The following XIAP variants were observed in gnomAD, a reference collection of about 807,000 sequenced individuals.
XIAP encodes the protein E3 ubiquitin-protein ligase XIAP.
Under a neutral mutation model 33.1 loss-of-function variants are expected in XIAP, and 3 were observed. The ratio of observed to expected loss-of-function variants is 0.09; its 90% CI spans 0.04 to 0.23. XIAP has a LOEUF of 0.23. Ranked by LOEUF, XIAP falls within the 10% of genes least tolerant of loss-of-function variation. XIAP has a pLI of 1.00. For synonymous variants in XIAP, 98 were observed against 121.3 expected (o/e 0.81, Z 1.26); for missense variants, 264 against 363.0 (o/e 0.73, Z 2.22).
chrX:123,877,899 G>A (rs1347569595), intron 1 of XIAP, among the ~76,000 whole-genome samples: 4 of 109,928 alleles, frequency 3.6e-5, no homozygotes, highest in East Asian at 2.9e-4. Flanking sequence ...GCGTGAACCC[G>A]GGAGGCGGAG....
intron 6 of XIAP, among the ~76,000 whole-genome samples, chrX:123,902,502 G>A (rs180811434): frequency 2.7e-5 from 3 of 111,666 alleles, no homozygotes; most frequent in African/African-American, 6.5e-5. Flanking sequence ...AGCAGGTGAG[G>A]GTTATTAGAG....
intron 1 of XIAP, among the ~76,000 whole-genome samples, chrX:123,861,237 AACC>A (rs1272334904): frequency 3.6e-5 from 4 of 111,825 alleles, no homozygotes; most frequent in African/African-American, 1.3e-4. Flanking sequence ...GTTAGATTAG[AACC>A]CATGTTATCT....
intron 6 of XIAP, among the ~76,000 whole-genome samples, chrX:123,906,777 T>G (rs1291075102): frequency 1.8e-5 from 2 of 112,105 alleles, no homozygotes; most frequent in Non-Finnish European, 3.8e-5. Context: ...CTTATCACTT[T>G]GTACTTTGTG....
At chrX:123,901,105 T>G (rs2053511064) in intron 6 of XIAP, among the ~76,000 whole-genome samples, 1 of 112,120 alleles carries the variant, frequency 8.9e-6, no homozygotes, top group Non-Finnish European at 1.9e-5. Context: ...CATGACCTCA[T>G]CTAAACCTAA....
intron 2 of XIAP, among the ~76,000 whole-genome samples, chrX:123,887,509 T>A (rs971717427): frequency 1.8e-5 from 2 of 112,712 alleles, no homozygotes; most frequent in Non-Finnish European, 1.9e-5. Context: ...AAGATTTTAT[T>A]TATGTACCAT....
intron 1 of XIAP, among the ~76,000 whole-genome samples, chrX:123,868,949 A>G (rs776054261): frequency 1.8e-4 from 20 of 111,165 alleles, no homozygotes; most frequent in Non-Finnish European, 3.8e-4. Flanking sequence ...TTTGGTACCC[A>G]GTCTTTGTTA....
chrX:123,898,895 T>G (rs1250158235), intron 5 of XIAP, among the ~76,000 whole-genome samples: 3 of 104,249 alleles, frequency 2.9e-5, no homozygotes, highest in Admixed American at 1.1e-4. Flanking sequence ...TTGAGGCAGG[T>G]GGATCACGAG....
At position 123,913,347 on chromosome X, in the gene XIAP, G is replaced by A. The variant is rs1274794452; in HGVS notation, c.*6166G>A. The A allele has an allele frequency of 3.0e-6, 1 of 328,673 alleles. No individual in the cohort carries two copies. Among genetic ancestry groups the A allele is most frequent in the East Asian group, 9.8e-5 (1 of 10,251 alleles). 27.1% of individuals were successfully genotyped at this position (328,673 alleles called of 1,213,427 possible). Reference sequence around the variant, plus strand: ...TAGCTGGGCATGGTGGCGCATGCCTGTAGTCCCAGCTACTAGAGCGACTGA... The same window carrying A: ...TAGCTGGGCATGGTGGCGCATGCCTATAGTCCCAGCTACTAGAGCGACTGA... On this transcript the variant is annotated 3_prime_UTR_variant, in exon 7 of 7. Coordinates refer to ENST00000371199, the MANE Select transcript of XIAP (RefSeq NM_001167.4).
chrX:123,907,294 G>C lies in XIAP; in HGVS notation c.*113G>C, dbSNP rs1277585937. The stretch of plus-strand genomic sequence containing the variant: ...TTCCATTAGCATTTGCTACCAAGTA[G>C]GAAAAAAAATGTACATGGCAGTGTT... On this transcript the variant is annotated 3_prime_UTR_variant, in exon 7 of 7. Transcript: ENST00000371199. The C allele has an allele frequency of 2.8e-6, 2 of 704,211 alleles. No individual in the cohort carries two copies. Among genetic ancestry groups the C allele is most frequent in the Non-Finnish European group, 4.4e-6 (2 of 457,184 alleles). The allele number at this position is 704,211 out of a possible 1,213,427, so 58.0% of individuals were successfully genotyped here. A position where few individuals can be genotyped will look rare whatever the true frequency, so the allele number is the denominator to read the frequency against.
chrX:123,912,639 T>G lies in XIAP; in HGVS notation c.*5458T>G, dbSNP rs953599259. On this transcript the variant is annotated 3_prime_UTR_variant, in exon 7 of 7. Transcript: ENST00000371199. ...GACAGTGCAAGACCTTGTCTCAGAATAAATAAAGTATGTGATGAAGATGTG... is the reference window on the plus strand; with the variant it reads ...GACAGTGCAAGACCTTGTCTCAGAAGAAATAAAGTATGTGATGAAGATGTG... 19 of 320,813 alleles carry G rather than the reference T, an allele frequency of 5.9e-5. No individual in the cohort carries two copies. The highest frequency in any genetic ancestry group is 9.6e-5 in the Non-Finnish European group (16 of 167,534). 26.4% of individuals were successfully genotyped at this position (320,813 alleles called of 1,213,427 possible).
At position 123,912,136 on chromosome X, in the gene XIAP, T is replaced by A; in HGVS notation, c.*4955T>A. Reference sequence around the variant, plus strand: ...TATAACTAATATAATAGGACAATCATCAATGCATATATAGCCAGCCCTTCA... The same window carrying A: ...TATAACTAATATAATAGGACAATCAACAATGCATATATAGCCAGCCCTTCA... On this transcript the variant is annotated 3_prime_UTR_variant, in exon 7 of 7. Coordinates refer to ENST00000371199, the MANE Select transcript of XIAP (RefSeq NM_001167.4). The A allele has an allele frequency of 3.1e-6, 1 of 322,783 alleles. No homozygotes were observed. The highest frequency in any genetic ancestry group is 5.9e-6 in the Non-Finnish European group (1 of 168,576). The allele number at this position is 322,783 out of a possible 1,213,427, so 26.6% of individuals were successfully genotyped here.
intron 4 of XIAP, among the ~76,000 whole-genome samples, chrX:123,892,093 C>T (rs1182804705): frequency 1.8e-5 from 2 of 111,536 alleles, no homozygotes; most frequent in South Asian, 3.7e-4. Context: ...GCGCTGGGCA[C>T]GGTGGCTCAC....
rs762033899 is a variant in XIAP, at chrX:123,885,059, AAG to A, written c.-32-571_-32-570del. Among the ~76,000 whole-genome samples the A allele has an allele frequency of 2.7e-3, 301 of 111,746 alleles. 2 individuals are homozygous for A. Among genetic ancestry groups the A allele is most frequent in the African/African-American group, 9.0e-3 (277 of 30,789 alleles). Reference sequence around the variant, plus strand: ...TGTAATTATCCAGTTACAACAAAAAAAGGGCTCTCATTCATGCATGAAAATCA... The same window carrying A: ...TGTAATTATCCAGTTACAACAAAAAAGGCTCTCATTCATGCATGAAAATCA... On this transcript the variant is annotated intron_variant, in intron 1 of 6. Transcript: ENST00000371199.
rs1194594386 is a variant in XIAP at position 123,884,766 on chromosome X, T to TA, written c.-32-864dup. On this transcript the variant is annotated intron_variant, in intron 1 of 6. Coordinates refer to ENST00000371199, the MANE Select transcript of XIAP (RefSeq NM_001167.4). The stretch of plus-strand genomic sequence containing the variant: ...GATAAATTATCTTTCTAATAATTGA[T>TA]ACCCTTCTCATAACCTAACGGGTTC... Among the ~76,000 whole-genome samples, 34 of 111,503 alleles carry TA rather than the reference T, an allele frequency of 3.0e-4. 1 individual carries two copies. Among genetic ancestry groups the TA allele is most frequent in the African/African-American group, 1.1e-3 (34 of 30,627 alleles).
rs1361739392 is a variant in XIAP at position 123,910,597 on chromosome X, C to T, written c.*3416C>T. 3.1e-6 allele frequency: 1 copy of T among 327,275 alleles called. No homozygotes were observed. Among genetic ancestry groups the T allele is most frequent in the Non-Finnish European group, 5.9e-6 (1 of 169,604 alleles). 27.0% of individuals were successfully genotyped at this position (327,275 alleles called of 1,213,427 possible). Reference sequence around the variant, plus strand: ...AAATGAAATAAAATGGGGCTGGGCTCAGTGGCTCACGCCTGTAATCCCAGC... The same window carrying T: ...AAATGAAATAAAATGGGGCTGGGCTTAGTGGCTCACGCCTGTAATCCCAGC... On this transcript the variant is annotated 3_prime_UTR_variant, in exon 7 of 7. Coordinates refer to ENST00000371199, the MANE Select transcript of XIAP (RefSeq NM_001167.4).
chrX:123,859,803 C>T (rs1021253250), upstream of XIAP: 1 of 237,101 alleles, frequency 4.2e-6, no homozygotes, highest in Non-Finnish European at 7.9e-6. Context: ...GTTGCAAGGG[C>T]CTCATTTTTT....
chrX:123,885,580 G>T, intron 1 of XIAP, 51 bp from the exon 2 acceptor site: 1 of 1,055,731 alleles, frequency 9.5e-7, no homozygotes, highest in East Asian at 3.0e-5. Flanking sequence ...ACAAAAGTCT[G>T]TTGCTTGTGT....
At chrX:123,859,750 G>A (rs2148065247), upstream of XIAP, 1 of 193,898 alleles carries the variant, frequency 5.2e-6, no homozygotes, top group African/African-American at 3.6e-5. Flanking sequence ...TCAGCTTCTC[G>A]GTTCCAGCCG....
chrX:123,870,950 G>A (rs957209523), intron 1 of XIAP, among the ~76,000 whole-genome samples: 1 of 110,654 alleles, frequency 9.0e-6, no homozygotes, highest in Non-Finnish European at 1.9e-5. Context: ...GCGTGTGTGT[G>A]TGTGAGGGAG....
Sources: allele counts gnomAD v4.1 joint callset (sites outside exome capture counted in the v4.1 genomes callset), GRCh38; gene constraint gnomAD v4.1.1; transcripts MANE v1.5; gene names NCBI Gene and HGNC (gene_info 2026-07-23, HGNC 2026-07-21).